Variants in CFAP77 observed in about 807,000 individuals in gnomAD.
The protein encoded by CFAP77 is cilia- and flagella-associated protein 77.
Under a neutral mutation model 31.1 loss-of-function variants are expected in CFAP77, and 25 were observed. That is an observed-to-expected ratio of 0.80 (90% CI 0.59 to 1.12). The LOEUF (loss-of-function observed/expected upper bound fraction) is 1.12, where lower values mean the gene tolerates loss of function less well. CFAP77 is among the 50% of genes most tolerant of loss of function. CFAP77 has a pLI of 0.00. For synonymous variants in CFAP77, 151 were observed against 159.9 expected, an observed-to-expected ratio of 0.94 and a Z score of 0.42; for missense variants, 377 against 397.3, an observed-to-expected ratio of 0.95 and a Z score of 0.44.
intron 3 of CFAP77, among the ~76,000 whole-genome samples, chr9:132,530,297 A>T (rs1589909519): frequency 7.0e-6 from 1 of 141,898 alleles, no homozygotes; most frequent in African/African-American, 2.6e-5. Flanking sequence ...TTTGAGACGG[A>T]GTCTCTCTCT....
rs1257282835 is a variant in CFAP77 at position 132,481,758 on chromosome 9, T to A, written c.196-16937T>A. On this transcript the variant is annotated intron_variant, in intron 1 of 5. Transcript: ENST00000393216. This position sits in a 1 kb window ranked among gnomAD's most constrained non-coding sequence, Gnocchi z 5.0. Reference sequence around the variant, plus strand: ...TAACAGGCTTCGTTTTAGGGACGCCTCCTCCGCCTCAGCTATCTGCTATGC... The same window carrying A: ...TAACAGGCTTCGTTTTAGGGACGCCACCTCCGCCTCAGCTATCTGCTATGC... 6.6e-6 allele frequency among the ~76,000 whole-genome samples: 1 copy of A among 152,206 alleles called. No individual in the cohort carries two copies. The highest frequency in any genetic ancestry group is 1.5e-5 in the Non-Finnish European group (1 of 68,034).
rs929287977 is a variant in CFAP77 at position 132,480,923 on chromosome 9, C to T, written c.196-17772C>T. 2.6e-5 allele frequency among the ~76,000 whole-genome samples: 4 copies of T among 152,088 alleles called. No homozygotes were observed. The highest frequency in any genetic ancestry group is 9.7e-5 in the African/African-American group (4 of 41,400). On this transcript the variant is annotated intron_variant, in intron 1 of 5. Transcript: ENST00000393216. This position sits in a 1 kb window ranked among gnomAD's most constrained non-coding sequence, Gnocchi z 5.8. ...GTGCCCCCATTGTGGTCCGGGGGCCCCTGTTATCAAAACAAGCCACAGACA... is the reference window on the plus strand; with the variant it reads ...GTGCCCCCATTGTGGTCCGGGGGCCTCTGTTATCAAAACAAGCCACAGACA...
chr9:132,568,190 T>C (rs1461120377), intron 5 of CFAP77, among the ~76,000 whole-genome samples: 1 of 152,124 alleles, frequency 6.6e-6, no homozygotes, highest in African/African-American at 2.4e-5. Flanking sequence ...ATTCAAGGGG[T>C]ATAGTTTCAT....
At position 132,563,563 on chromosome 9, in the gene CFAP77, T is replaced by C. The variant is rs151254671; in HGVS notation, c.733-8825T>C. The stretch of plus-strand genomic sequence containing the variant: ...GACATGCAGTTGTTCCCGGCATTTA[T>C]TGACATGGTACTACCGTGAGGATTC... On this transcript the variant is annotated intron_variant, in intron 5 of 5. Coordinates refer to ENST00000393216, the MANE Select transcript of CFAP77 (RefSeq NM_001282957.2). Among the ~76,000 whole-genome samples, 284 of 152,332 alleles carry C rather than the reference T, an allele frequency of 1.9e-3. 1 individual carries two copies. Among genetic ancestry groups the C allele is most frequent in the African/African-American group, 6.5e-3 (269 of 41,588 alleles).
At chr9:132,459,134 T>G (rs1200925388) in intron 1 of CFAP77, among the ~76,000 whole-genome samples, 1 of 150,890 alleles carries the variant, frequency 6.6e-6, no homozygotes, top group Non-Finnish European at 1.5e-5. Context: ...TGCAGTGGCG[T>G]TATCTTGGCT....
At chr9:132,522,779 G>A (rs1402154091) in intron 3 of CFAP77, among the ~76,000 whole-genome samples, 1 of 152,170 alleles carries the variant, frequency 6.6e-6, no homozygotes, top group East Asian at 1.9e-4. Context: ...GCTTTGTGGT[G>A]GAAAACAAAC....
intron 1 of CFAP77, among the ~76,000 whole-genome samples, chr9:132,427,946 C>T (rs1294906099): frequency 1.3e-5 from 2 of 151,980 alleles, no homozygotes; most frequent in African/African-American, 4.8e-5. Context: ...AGTTCAACCT[C>T]TAACATTCTC....
chr9:132,502,260 T>C (rs1445699066), intron 3 of CFAP77, among the ~76,000 whole-genome samples: 1 of 84,766 alleles, frequency 1.2e-5, no homozygotes, highest in African/African-American at 6.2e-5. Context: ...CATATATATA[T>C]ATATATTTTT....
rs747099966 is a variant in CFAP77 at position 132,410,518 on chromosome 9, G to C, written c.195+52G>C. 8.9e-5 allele frequency: 130 copies of C among 1,459,168 alleles called. No homozygotes were observed. In the Middle Eastern group the frequency reaches 2.7e-3, roughly 30 times the overall value. The allele number at this position is 1,459,168 out of a possible 1,614,324, so 90.4% of individuals were successfully genotyped here. A position where few individuals can be genotyped will look rare whatever the true frequency, so the allele number is the denominator to read the frequency against. ...TCGCTGTCGCCGGCTCCGGGCACCTGCGCCGCCGGGGGTCCCCACCCGCAG... is the reference window on the plus strand; with the variant it reads ...TCGCTGTCGCCGGCTCCGGGCACCTCCGCCGCCGGGGGTCCCCACCCGCAG... On this transcript the variant is annotated intron_variant, in intron 1 of 5. Transcript: ENST00000393216.
At position 132,410,351 on chromosome 9, in the gene CFAP77, A is replaced by G. The variant is rs775518143; in HGVS notation, c.80A>G (p.Gln27Arg). 8 of 1,597,954 alleles carry G rather than the reference A, an allele frequency of 5.0e-6. No individual in the cohort carries two copies. Among genetic ancestry groups the G allele is most frequent in the Non-Finnish European group, 6.0e-6 (7 of 1,173,610 alleles). ...QQQPVRRTVS[Q>R]VCPPPRRPLT... is the part of the protein sequence containing the mutation. ...CAGCCTGTGCGCCGCACGGTCAGCC[A>G]GGTCTGCCCGCCCCCGCGGCGGCCC... Residue 27 changes from glutamine to arginine, a missense_variant, in exon 1 of 6, where the codon CAG (glutamine) becomes CGG (arginine). By Grantham distance (43) the Gln-to-Arg change is conservative. Coordinates refer to ENST00000393216, the MANE Select transcript of CFAP77 (RefSeq NM_001282957.2).
intron 1 of CFAP77, among the ~76,000 whole-genome samples, chr9:132,478,697 A>G (rs1390012777): frequency 6.6e-6 from 1 of 152,180 alleles, no homozygotes; most frequent in Non-Finnish European, 1.5e-5. Context: ...TGAAGAGGAG[A>G]GGGCTGGGGC....
Position 132,499,233 on chromosome 9 carries a change from C to T in CFAP77, c.296-139C>T. ...TTGGGCCATCATGCTTTCTGGGGGC[C>T]AGGCAGGGTTGTCACCCAGTAGGCT... On this transcript the variant is annotated intron_variant, in intron 2 of 5. Coordinates refer to ENST00000393216, the MANE Select transcript of CFAP77 (RefSeq NM_001282957.2). The surrounding 1 kb of genome is among the most constrained non-coding windows in gnomAD (Gnocchi z 5.4). 1.4e-6 allele frequency: 1 copy of T among 718,784 alleles called. No individual in the cohort carries two copies. The highest frequency in any genetic ancestry group is 2.3e-6 in the Non-Finnish European group (1 of 439,818). The allele number at this position is 718,784 out of a possible 1,614,324, so 44.5% of individuals were successfully genotyped here. A position where few individuals can be genotyped will look rare whatever the true frequency, so the allele number is the denominator to read the frequency against.
chr9:132,508,599 C>T (rs971091165), intron 3 of CFAP77, among the ~76,000 whole-genome samples: 5 of 152,034 alleles, frequency 3.3e-5, no homozygotes, highest in Admixed American at 2.6e-4. Context: ...GGGTTTTGCT[C>T]TCAGAGGCTT....
At chr9:132,471,671 TGA>T (rs1417134278) in intron 1 of CFAP77, among the ~76,000 whole-genome samples, 15 of 149,506 alleles carry the variant, frequency 1.0e-4, no homozygotes, top group Admixed American at 8.1e-4. Flanking sequence ...AGGAGCATTG[TGA>T]GAGAGGGGGG....
intron 3 of CFAP77, among the ~76,000 whole-genome samples, chr9:132,514,121 G>A (rs550629747): frequency 1.7e-5 from 2 of 118,916 alleles, no homozygotes; most frequent in Non-Finnish European, 3.5e-5. Flanking sequence ...ACAGGTGACA[G>A]TGAGGAGATC....
chr9:132,547,086 G>T (rs76398995), intron 5 of CFAP77, among the ~76,000 whole-genome samples: 1 of 152,212 alleles, frequency 6.6e-6, no homozygotes, highest in Non-Finnish European at 1.5e-5. Flanking sequence ...TGGAGGAGCC[G>T]CTGGGCTGGG....
intron 1 of CFAP77, among the ~76,000 whole-genome samples, chr9:132,483,935 T>C (rs1214592084): frequency 4.1e-5 from 6 of 145,278 alleles, no homozygotes; most frequent in African/African-American, 1.4e-4. Context: ...GGAGGTATTG[T>C]CTTTTTTTTT....
rs1286682340 is a variant in CFAP77, at chr9:132,424,495, G to A, written c.195+14029G>A. On this transcript the variant is annotated intron_variant, in intron 1 of 5. Transcript: ENST00000393216. The surrounding 1 kb of genome is among the most constrained non-coding windows in gnomAD (Gnocchi z 4.1). Reference sequence around the variant, plus strand: ...AATTGCTGGAGGGCTGAGAAGAGGAGGGACAGGTGTAGACAATGGCTAGAC... The same window carrying A: ...AATTGCTGGAGGGCTGAGAAGAGGAAGGACAGGTGTAGACAATGGCTAGAC... 6.6e-6 allele frequency among the ~76,000 whole-genome samples: 1 copy of A among 152,222 alleles called. No individual in the cohort carries two copies. Among genetic ancestry groups the A allele is most frequent in the Non-Finnish European group, 1.5e-5 (1 of 68,036 alleles).
In CFAP77 at chr9:132,431,917, C is replaced by T. The variant is rs1850417297; in HGVS notation, c.195+21451C>T. ...TACTGGCCTCAAGCAATTCCTCTGT[C>T]TTATCCTCCCGAGTAGCTGGGATTC... On this transcript the variant is annotated intron_variant, in intron 1 of 5. Transcript: ENST00000393216. Among the ~76,000 whole-genome samples, 3 of 152,298 alleles carry T rather than the reference C, an allele frequency of 2.0e-5. No individual in the cohort carries two copies. The South Asian group carries it at 6.2e-4, about 32-fold the overall frequency.
Sources: allele counts gnomAD v4.1 joint callset (sites outside exome capture counted in the v4.1 genomes callset), GRCh38; gene constraint gnomAD v4.1.1; non-coding constraint Gnocchi (gnomAD v3.1); transcripts MANE v1.5; gene names NCBI Gene and HGNC (gene_info 2026-07-23, HGNC 2026-07-21).